The following DNALI1 variants were observed in gnomAD, a reference collection of about 807,000 sequenced individuals.
DNALI1 encodes the protein dynein axonemal light intermediate chain 1, also known as axonemal dynein light intermediate polypeptide 1.
In DNALI1, 31 loss-of-function variants were observed where a neutral mutation model predicts 33.9. That is an observed-to-expected ratio of 0.91 (90% confidence interval 0.69 to 1.23). The LOEUF is 1.23. DNALI1 is among the 50% of genes most tolerant of loss of function. DNALI1 has a pLI of 0.00. For missense variants in DNALI1, 305 were observed against 323.8 expected (o/e 0.94, Z 0.44); for synonymous variants, 117 against 129.2 (o/e 0.91, Z 0.64).
In DNALI1 at chr1:37,561,632, G is replaced by A. The variant is rs771741737; in HGVS notation, c.473G>A (p.Arg158His). ...CTGCTGCGAGTCCGGGACGAGATCC[G>A]CATGACCATCGCTGCCTACCAGACC... ...LLLLRVRDEIRMTIAAYQTLY... is the reference protein window; with the variant it reads ...LLLLRVRDEIHMTIAAYQTLY... The change falls in exon 4 of 6, where the codon CGC becomes CAC. Residue 158 changes from arginine (R) to histidine (H), a missense_variant. Physicochemically the swap from Arg to His is conservative, Grantham distance 29. Transcript: ENST00000652629. This position sits in a 1 kb window ranked among gnomAD's most constrained non-coding sequence, Gnocchi z 4.6. 23 of 1,613,782 alleles carry A rather than the reference G, an allele frequency of 1.4e-5. 1 individual carries two copies. The highest frequency in any genetic ancestry group is 4.4e-5 in the South Asian group (4 of 90,962).
chr1:37,564,583 G>A (rs1317582948), intron 5 of DNALI1, among the ~76,000 whole-genome samples: 2 of 151,950 alleles, frequency 1.3e-5, no homozygotes, highest in Admixed American at 6.6e-5. Flanking sequence ...GGGTTTCACC[G>A]TGTTATCCAG....
rs761761945 is a variant in DNALI1 at position 37,559,336 on chromosome 1, G to A, written c.237G>A (p.Val79=). Residue 79 remains valine (V), a synonymous_variant, in exon 3 of 6, where the codon GTG becomes GTA. Coordinates refer to ENST00000652629, the MANE Select transcript of DNALI1 (RefSeq NM_003462.5). The surrounding 1 kb of genome is among the most constrained non-coding windows in gnomAD (Gnocchi z 5.3). ...GCTGTGTCTGCCACAGGGAGTGGGT[G>A]GAAGACACGCAGCTATGGATCCAGC... ...LNAILPPREW[V]EDTQLWIQQV... is the part of the protein sequence containing the mutation. 6.2e-7 allele frequency: 1 copy of A among 1,603,142 alleles called. No homozygotes were observed. The highest frequency in any genetic ancestry group is 8.5e-7 in the Non-Finnish European group (1 of 1,174,872).
intron 2 of DNALI1, chr1:37,558,321 C>G (rs2148121390): frequency 6.5e-6 from 1 of 152,684 alleles, no homozygotes; most frequent in African/African-American, 2.4e-5. Context: ...CTCCTAGTCA[C>G]TGGTGGCCAC....
At position 37,561,134 on chromosome 1, in the gene DNALI1, A is replaced by C. The variant is rs1198450839; in HGVS notation, c.398-423A>C. 2 of 179,558 alleles carry C rather than the reference A, an allele frequency of 1.1e-5. No individual in the cohort carries two copies. The highest frequency in any genetic ancestry group is 4.7e-5 in the African/African-American group (2 of 42,924). The allele number at this position is 179,558 out of a possible 1,614,324, so 11.1% of individuals were successfully genotyped here. On this transcript the variant is annotated intron_variant, in intron 3 of 5. Coordinates refer to ENST00000652629, the MANE Select transcript of DNALI1 (RefSeq NM_003462.5). This position sits in a 1 kb window ranked among gnomAD's most constrained non-coding sequence, Gnocchi z 4.6. ...AGATGGGCAAGCTCTAGACCCTGCC[A>C]TTTCCCTCAAACCAGTGCAGCCAAG...
At position 37,564,387 on chromosome 1, in the gene DNALI1, A is replaced by AT. The variant is rs879767263; in HGVS notation, c.742-626dup. Among the ~76,000 whole-genome samples, 815 of 144,602 alleles carry AT rather than the reference A, an allele frequency of 5.6e-3. 7 individuals carry two copies. The highest frequency in any genetic ancestry group is 0.018 in the African/African-American group (709 of 39,616). 94.9% of individuals were successfully genotyped at this position (144,602 alleles called of 152,430 possible). On this transcript the variant is annotated intron_variant, in intron 5 of 5. Coordinates refer to ENST00000652629, the MANE Select transcript of DNALI1 (RefSeq NM_003462.5). Reference sequence around the variant, plus strand: ...CAGGATCCTAAACCAGAGAGCCAATATTTTTTTTTTTTTGAGACGGAGTCT... The same window carrying AT: ...CAGGATCCTAAACCAGAGAGCCAATATTTTTTTTTTTTTTGAGACGGAGTCT...
At chr1:37,560,347 A>G (rs1643423205) in intron 3 of DNALI1, among the ~76,000 whole-genome samples, 1 of 152,232 alleles carries the variant, frequency 6.6e-6, no homozygotes, top group Admixed American at 6.5e-5. Context: ...CTGGCTTTCC[A>G]GGGCAGAGAT....
intron 2 of DNALI1, chr1:37,558,162 T>G (rs1403834166): frequency 6.1e-6 from 1 of 164,280 alleles, no homozygotes; most frequent in East Asian, 1.9e-4. Flanking sequence ...CCCCGTATTC[T>G]CCTTTTTACT....
At chr1:37,563,116 G>A (rs537665981) in intron 5 of DNALI1, among the ~76,000 whole-genome samples, 1 of 152,358 alleles carries the variant, frequency 6.6e-6, no homozygotes, top group South Asian at 2.1e-4. Context: ...CTGGCCAAAG[G>A]ACCCTGGATG....
chr1:37,558,004 T>G (rs192836072), intron 2 of DNALI1: 2 of 453,030 alleles, frequency 4.4e-6, no homozygotes, highest in Non-Finnish European at 3.9e-6. Flanking sequence ...CTCCCAAATG[T>G]GTATTTCCAG....
intron 5 of DNALI1, 120 bp from the exon 6 acceptor site, chr1:37,564,906 A>T: frequency 9.5e-7 from 1 of 1,053,994 alleles, no homozygotes; most frequent in Non-Finnish European, 1.5e-6. Flanking sequence ...GATCAAGGGG[A>T]AAAAGAACCC....
chr1:37,558,525 C>T (rs755998735), intron 2 of DNALI1, among the ~76,000 whole-genome samples: 8 of 152,244 alleles, frequency 5.3e-5, no homozygotes, highest in Non-Finnish European at 1.2e-4. Flanking sequence ...ATCTGGCCTA[C>T]GATGTATCCC....
chr1:37,561,356 A>G lies in DNALI1; in HGVS notation c.398-201A>G, dbSNP rs1301369403. 3 of 593,334 alleles carry G rather than the reference A, an allele frequency of 5.1e-6. No homozygotes were observed. Among genetic ancestry groups the G allele is most frequent in the African/African-American group, 3.7e-5 (2 of 53,988 alleles). The allele number at this position is 593,334 out of a possible 1,614,324, so 36.8% of individuals were successfully genotyped here. ...CTGACTGTGCTACTCACAAGTGCCA[A>G]GTTCAGAGGAGTGACTGCATGGCAA... On this transcript the variant is annotated intron_variant, in intron 3 of 5. Coordinates refer to ENST00000652629, the MANE Select transcript of DNALI1 (RefSeq NM_003462.5). This position sits in a 1 kb window ranked among gnomAD's most constrained non-coding sequence, Gnocchi z 4.6.
At position 37,565,234 on chromosome 1, in the gene DNALI1, A is replaced by C; in HGVS notation, c.*173A>C. The C allele has an allele frequency of 1.5e-6, 1 of 676,656 alleles. No homozygotes were observed. The highest frequency in any genetic ancestry group is 2.8e-5 in the East Asian group (1 of 36,244). The allele number at this position is 676,656 out of a possible 1,614,324, so 41.9% of individuals were successfully genotyped here. On this transcript the variant is annotated 3_prime_UTR_variant, in exon 6 of 6. Coordinates refer to ENST00000652629, the MANE Select transcript of DNALI1 (RefSeq NM_003462.5). ...GGTATTTGTTAGAAGTCACACTATT[A>C]CTCCAATGTCATCAGACACCTAAGG...
rs1358529113 is a variant in DNALI1, at chr1:37,557,831, C to T, written c.227+83C>T. 4 of 1,576,674 alleles carry T rather than the reference C, an allele frequency of 2.5e-6. No individual in the cohort carries two copies. In the African/African-American group the frequency reaches 4.1e-5, roughly 16 times the overall value. On this transcript the variant is annotated intron_variant, in intron 2 of 5. Coordinates refer to ENST00000652629, the MANE Select transcript of DNALI1 (RefSeq NM_003462.5). ...GGGAGTGTGGGGGGAGGCACTCTGC[C>T]TCTGTTCCTGGCTGGGGTTTCCTCC...
At position 37,561,409 on chromosome 1, in the gene DNALI1, C is replaced by T. The variant is rs1254853079; in HGVS notation, c.398-148C>T. On this transcript the variant is annotated intron_variant, in intron 3 of 5. Coordinates refer to ENST00000652629, the MANE Select transcript of DNALI1 (RefSeq NM_003462.5). The surrounding 1 kb of genome is among the most constrained non-coding windows in gnomAD (Gnocchi z 4.6). ...CTCTTTGGGCCACTGAAGGCACCCTCCCTGAGGCCCTTCTCTGAGGCCTTG... is the reference window on the plus strand; with the variant it reads ...CTCTTTGGGCCACTGAAGGCACCCTTCCTGAGGCCCTTCTCTGAGGCCTTG... The T allele has an allele frequency of 3.6e-5, 37 of 1,026,770 alleles. 1 individual carries two copies. The Admixed American group carries it at 8.2e-4, about 23-fold the overall frequency. The allele number at this position is 1,026,770 out of a possible 1,614,324, so 63.6% of individuals were successfully genotyped here.
rs529467180 is a variant in DNALI1 at position 37,565,326 on chromosome 1, T to C, written c.*265T>C. On this transcript the variant is annotated 3_prime_UTR_variant, in exon 6 of 6. Coordinates refer to ENST00000652629, the MANE Select transcript of DNALI1 (RefSeq NM_003462.5). ...GGCCCTGTTAGTCTCCGTGTGTGGC[T>C]TACTAGCCAGCCTTGGGAACTGCCA... is the stretch of plus-strand genomic sequence containing the variant. 6.0e-6 allele frequency: 3 copies of C among 503,842 alleles called. No individual in the cohort carries two copies. In the South Asian group the frequency reaches 7.5e-5, roughly 13 times the overall value. 31.2% of individuals were successfully genotyped at this position (503,842 alleles called of 1,614,324 possible). A position where few individuals can be genotyped will look rare whatever the true frequency, so the allele number is the denominator to read the frequency against.
In DNALI1 at chr1:37,557,765, A is replaced by G. The variant is rs1016110375; in HGVS notation, c.227+17A>G. 6.8e-6 allele frequency: 11 copies of G among 1,613,322 alleles called. No individual in the cohort carries two copies. Among genetic ancestry groups the G allele is most frequent in the Non-Finnish European group, 9.3e-6 (11 of 1,179,718 alleles). ...ACCCCCAAGGTAAGAAAGTAGGAGC[A>G]GTGGCTGGGAGAAGGCCTAAGCTTT... On this transcript the variant is annotated intron_variant, in intron 2 of 5. Coordinates refer to ENST00000652629, the MANE Select transcript of DNALI1 (RefSeq NM_003462.5).
At position 37,565,233 on chromosome 1, in the gene DNALI1, T is replaced by C; in HGVS notation, c.*172T>C. 1.5e-6 allele frequency: 1 copy of C among 677,958 alleles called. No individual in the cohort carries two copies. The highest frequency in any genetic ancestry group is 2.8e-5 in the East Asian group (1 of 36,346). The allele number at this position is 677,958 out of a possible 1,614,324, so 42.0% of individuals were successfully genotyped here. ...AGGTATTTGTTAGAAGTCACACTAT[T>C]ACTCCAATGTCATCAGACACCTAAG... On this transcript the variant is annotated 3_prime_UTR_variant, in exon 6 of 6. Transcript: ENST00000652629.
rs769354887 is a variant in DNALI1, at chr1:37,562,188, G to A, written c.684G>A (p.Glu228=). Residue 228 remains glutamate, a synonymous_variant, in exon 5 of 6, where the codon GAG becomes GAA. Coordinates refer to ENST00000652629, the MANE Select transcript of DNALI1 (RefSeq NM_003462.5). The surrounding 1 kb of genome is among the most constrained non-coding windows in gnomAD (Gnocchi z 5.8). ...EKRESERRQV[E]EKKHNEEIQF... ...GGGAGAGCGAGAGGCGGCAGGTGGA[G>A]GAGAAGAAGCACAATGAGGAGATTC... is the stretch of plus-strand genomic sequence containing the variant. 2.5e-6 allele frequency: 4 copies of A among 1,614,004 alleles called. No homozygotes were observed. Among genetic ancestry groups the A allele is most frequent in the African/African-American group, 1.3e-5 (1 of 75,020 alleles).
Sources: gnomAD v4.1 joint callset for allele counts (sites outside exome capture counted in the v4.1 genomes callset) on GRCh38, gnomAD v4.1.1 for gene constraint, Gnocchi (gnomAD v3.1) non-coding constraint, MANE v1.5 for transcripts, NCBI Gene and HGNC (gene_info 2026-07-23, HGNC 2026-07-21) for gene names.